SYNE3: variants seen among roughly 807,000 people sequenced by gnomAD.
SYNE3 encodes the protein spectrin repeat containing nuclear envelope family member 3, also known as nesprin-3.
SYNE3 carries 100 observed loss-of-function variants against 111.2 expected under a neutral mutation model. The ratio of observed to expected loss-of-function variants is 0.90; its 90% CI spans 0.77 to 1.06. SYNE3 has a LOEUF of 1.06. SYNE3 is among the 50% of genes least tolerant of loss of function. The probability of loss-of-function intolerance (pLI) is 0.00; values close to 1 mark genes in which losing one functional copy is unlikely to be tolerated. For missense variants in SYNE3, 1,160 were observed against 1,240.3 expected (o/e 0.94, Z 0.97); for synonymous variants, 547 against 533.9 (o/e 1.02, Z -0.34).
chr14:95,474,132 A>G (rs113644458), intron 2 of SYNE3, among the ~76,000 whole-genome samples: 58 of 120,920 alleles, frequency 4.8e-4, no homozygotes, highest in East Asian at 1.7e-3. Flanking sequence ...CTTGCGAGGT[A>G]TGACAGTGGC....
At chr14:95,442,617 G>A (rs767820671) in intron 11 of SYNE3, among the ~76,000 whole-genome samples, 1 of 152,176 alleles carries the variant, frequency 6.6e-6, no homozygotes, top group Non-Finnish European at 1.5e-5. Flanking sequence ...GGCCAGTTTT[G>A]AAGGAGCTTT....
rs186563046 is a variant in SYNE3, at chr14:95,500,531, C to T, written c.-15+16065G>A. ...CTCTGGGACTTTGCTTTGGCCCAGCCGGACTCAGCGGGAGGAGGCTGCCTT... is the reference window on the plus strand; with the variant it reads ...CTCTGGGACTTTGCTTTGGCCCAGCTGGACTCAGCGGGAGGAGGCTGCCTT... On this transcript the variant is annotated intron_variant, in intron 1 of 17. Transcript: ENST00000682763. This position sits in a 1 kb window ranked among gnomAD's most constrained non-coding sequence, Gnocchi z 4.7. Among the ~76,000 whole-genome samples the T allele has an allele frequency of 5.5e-4, 84 of 152,316 alleles. No individual in the cohort carries two copies. The highest frequency in any genetic ancestry group is 1.9e-3 in the African/African-American group (78 of 41,576).
At chr14:95,465,298 T>C (rs972924136) in intron 4 of SYNE3, among the ~76,000 whole-genome samples, 2 of 152,180 alleles carry the variant, frequency 1.3e-5, no homozygotes, top group South Asian at 2.1e-4. Flanking sequence ...CCTATATGTA[T>C]ATTAAGCACT....
At chr14:95,465,221 G>A (rs191327678) in intron 4 of SYNE3, among the ~76,000 whole-genome samples, 50 of 152,242 alleles carry the variant, frequency 3.3e-4, no homozygotes, top group African/African-American at 1.2e-3. Context: ...AGAGAGAAAG[G>A]AGGAGAAGGG....
At chr14:95,423,382 T>A (rs1202344288) in intron 17 of SYNE3, among the ~76,000 whole-genome samples, 2 of 152,188 alleles carry the variant, frequency 1.3e-5, no homozygotes, top group African/African-American at 4.8e-5. Context: ...GTGAGCAGGC[T>A]CTGCTCCTAG....
chr14:95,423,130 G>A (rs574061665), intron 17 of SYNE3, among the ~76,000 whole-genome samples: 15 of 152,352 alleles, frequency 9.8e-5, no homozygotes, highest in South Asian at 2.1e-4. Flanking sequence ...GTGGCTCTGC[G>A]TGGATGTCAG....
intron 11 of SYNE3, 142 bp downstream of exon 11, chr14:95,443,013 G>T: frequency 9.3e-7 from 1 of 1,074,168 alleles, no homozygotes; most frequent in Non-Finnish European, 1.3e-6. Context: ...TTGTATGAAT[G>T]AGGAAGGGAA....
intron 9 of SYNE3, 94 bp downstream of exon 9, chr14:95,445,815 G>A: frequency 1.4e-5 from 20 of 1,385,576 alleles, no homozygotes; most frequent in Non-Finnish European, 2.0e-5. Context: ...AAGCGGCAGA[G>A]CTGAGTTTAG....
intron 1 of SYNE3, among the ~76,000 whole-genome samples, chr14:95,481,041 C>T (rs532360164): frequency 9.2e-5 from 14 of 152,254 alleles, no homozygotes; most frequent in African/African-American, 2.4e-4. Context: ...TAGAATGCTG[C>T]GGGGCTGACT....
chr14:95,433,128 T>A (rs1395233774), intron 16 of SYNE3, 132 bp downstream of exon 16: 4 of 1,306,802 alleles, frequency 3.1e-6, no homozygotes, highest in Non-Finnish European at 4.1e-6. Context: ...TCTGCCTGAG[T>A]GGTCACCACT....
rs570937870 is a variant in SYNE3 at position 95,418,581 on chromosome 14, T to A, written c.2728-555A>T. Among the ~76,000 whole-genome samples, 6 of 152,204 alleles carry A rather than the reference T, an allele frequency of 3.9e-5. No individual in the cohort carries two copies. In the South Asian group the frequency reaches 1.2e-3, roughly 32 times the overall value. ...TTGTCTTTCTTCCCTTTCCTCTTTT[T>A]CCTCCCCCTCTTCCTTTTCTTTCTT... On this transcript the variant is annotated intron_variant, in intron 17 of 17. Transcript: ENST00000682763.
At chr14:95,418,058 C>A (rs771485486) in intron 17 of SYNE3, 32 bp from the exon 18 acceptor site, 1 of 1,599,934 alleles carries the variant, frequency 6.3e-7, no homozygotes, top group Non-Finnish European at 8.5e-7. Flanking sequence ...GGTGAGTGGG[C>A]TGGGGGGCTC....
At chr14:95,449,766 C>A (rs1012929107) in intron 8 of SYNE3, 165 bp downstream of exon 8, 48 of 949,010 alleles carry the variant, frequency 5.1e-5, no homozygotes, top group Non-Finnish European at 5.8e-5. Context: ...AACAAGCAAG[C>A]ATGGACGCTC....
chr14:95,509,465 GACCCAAGTCCCCAA>G (rs1158316894), intron 1 of SYNE3, among the ~76,000 whole-genome samples: 1 of 152,192 alleles, frequency 6.6e-6, no homozygotes, highest in Non-Finnish European at 1.5e-5. Flanking sequence ...ATAGTGGCCA[GACCCAAGTCCCCAA>G]ACACCTACTT....
rs1903502525 is a variant in SYNE3 at position 95,414,124 on chromosome 14, G to C, written c.*3702C>G. Reference sequence around the variant, plus strand: ...CAGAGAGTTCTGCCTGCTTGCCCAGGGAACTCCATTCCCAGAGGCTACAGA... The same window carrying C: ...CAGAGAGTTCTGCCTGCTTGCCCAGCGAACTCCATTCCCAGAGGCTACAGA... On this transcript the variant is annotated 3_prime_UTR_variant, in exon 18 of 18. Coordinates refer to ENST00000682763, the MANE Select transcript of SYNE3 (RefSeq NM_152592.6). 6.6e-6 allele frequency: 1 copy of C among 152,198 alleles called. No homozygotes were observed. Among genetic ancestry groups the C allele is most frequent in the Non-Finnish European group, 1.5e-5 (1 of 68,062 alleles). The allele number at this position is 152,198 out of a possible 1,614,324, so 9.4% of individuals were successfully genotyped here.
At chr14:95,513,737 T>TATATATATATATATATA (rs1480614847) in intron 1 of SYNE3, among the ~76,000 whole-genome samples, 2 of 92,506 alleles carry the variant, frequency 2.2e-5, no homozygotes, top group African/African-American at 9.4e-5. Flanking sequence ...GCTGCTTAGA[T>TATATATATATATATATA]TATATATATA....
At chr14:95,480,252 C>T (rs896928828) in intron 1 of SYNE3, among the ~76,000 whole-genome samples, 4 of 152,192 alleles carry the variant, frequency 2.6e-5, no homozygotes, top group African/African-American at 9.7e-5. Context: ...CCCACTGAGT[C>T]AGTGAGAGGG....
chr14:95,513,082 A>G (rs1401376227), intron 1 of SYNE3, among the ~76,000 whole-genome samples: 1 of 152,154 alleles, frequency 6.6e-6, no homozygotes, highest in African/African-American at 2.4e-5. Flanking sequence ...GAATCTACGT[A>G]TAAAGGCATG....
chr14:95,490,460 T>C (rs976942421), intron 1 of SYNE3, among the ~76,000 whole-genome samples: 2 of 152,230 alleles, frequency 1.3e-5, no homozygotes, highest in Non-Finnish European at 2.9e-5. Context: ...GTAGATGCCA[T>C]GGCCAGCCCT....
Sources: allele counts gnomAD v4.1 joint callset (sites outside exome capture counted in the v4.1 genomes callset), GRCh38; gene constraint gnomAD v4.1.1; non-coding constraint Gnocchi (gnomAD v3.1); transcripts MANE v1.5; gene names NCBI Gene and HGNC (gene_info 2026-07-23, HGNC 2026-07-21).